Variants in RNF166 observed in about 807,000 individuals in gnomAD.
The protein encoded by RNF166 is E3 ubiquitin-protein ligase RNF166.
RNF166 carries 19 observed loss-of-function variants against 29.4 expected under a neutral mutation model. The observed-to-expected ratio is 0.65, with a 90% CI of 0.45 to 0.95. The LOEUF is 0.95. RNF166 is among the 40% of genes least tolerant of loss of function. The pLI is 0.00. For missense variants in RNF166, 347 were observed against 322.1 expected, an observed-to-expected ratio of 1.08 and a Z score of -0.59; for synonymous variants, 171 against 134.5, an observed-to-expected ratio of 1.27 and a Z score of -1.88.
rs1057026985 is a variant in RNF166 at position 88,703,382 on chromosome 16, T to C, written c.156-1964A>G. On this transcript the variant is annotated intron_variant, in intron 1 of 5. Transcript: ENST00000312838. ...CACGGGCTGAGGGGAAGGAAAAGGG[T>C]CCCAGGCAGAGCTTGGGAAGAGAGG... is the stretch of plus-strand genomic sequence containing the variant. 20 of 983,912 alleles carry C rather than the reference T, an allele frequency of 2.0e-5. No homozygotes were observed. In the South Asian group the frequency reaches 2.4e-4, roughly 12 times the overall value. The allele number at this position is 983,912 out of a possible 1,614,324, so 60.9% of individuals were successfully genotyped here. A position where few individuals can be genotyped will look rare whatever the true frequency, so the allele number is the denominator to read the frequency against.
In RNF166 at chr16:88,696,599, C is replaced by T. The variant is rs1597398643; in HGVS notation, c.*969G>A. On this transcript the variant is annotated 3_prime_UTR_variant, in exon 6 of 6. Coordinates refer to ENST00000312838, the MANE Select transcript of RNF166 (RefSeq NM_178841.4). ...GAATGTTGACGTGTTGCCCGGCCCG[C>T]CAAGCGGGCCCCTGCCCAGGCCCCC... The T allele has an allele frequency of 2.2e-6, 1 of 454,422 alleles. No individual in the cohort carries two copies. Among genetic ancestry groups the T allele is most frequent in the Non-Finnish European group, 4.4e-6 (1 of 226,448 alleles). 28.1% of individuals were successfully genotyped at this position (454,422 alleles called of 1,614,324 possible).
rs1423189394 is a variant in RNF166, at chr16:88,697,639, G to A, written c.649-6C>T. The stretch of plus-strand genomic sequence containing the variant: ...TCCTCGTCAATACTGTAGTCCTGGA[G>A]ACAGGAAGGAGAGATGCACCGGGCT... On this transcript the variant is annotated splice_region_variant and splice_polypyrimidine_tract_variant and intron_variant, in intron 5 of 5. Transcript: ENST00000312838. 6.5e-7 allele frequency: 1 copy of A among 1,548,820 alleles called. No homozygotes were observed. The highest frequency in any genetic ancestry group is 8.7e-7 in the Non-Finnish European group (1 of 1,145,146).
chr16:88,701,198 A>G (rs1910188426), intron 2 of RNF166, 64 bp downstream of exon 2: 1 of 1,590,848 alleles, frequency 6.3e-7, no homozygotes, highest in East Asian at 2.2e-5. Context: ...CCTCTGCAGA[A>G]CCCGTGGGCT....
Position 88,702,641 on chromosome 16 carries a change from C to T in RNF166, c.156-1223G>A, listed in dbSNP as rs143725736. On this transcript the variant is annotated intron_variant, in intron 1 of 5. Transcript: ENST00000312838. ...GCCCTCTTTGCCACCACTGGATTCCCACAGAGCCACCACCTGGCTGGTGGC... is the reference window on the plus strand; with the variant it reads ...GCCCTCTTTGCCACCACTGGATTCCTACAGAGCCACCACCTGGCTGGTGGC... 2.3e-4 allele frequency: 219 copies of T among 955,466 alleles called. 1 individual carries two copies. The African/African-American group carries it at 3.7e-3, about 16-fold the overall frequency. The allele number at this position is 955,466 out of a possible 1,614,324, so 59.2% of individuals were successfully genotyped here. A position where few individuals can be genotyped will look rare whatever the true frequency, so the allele number is the denominator to read the frequency against.
rs952247751 is a variant in RNF166, at chr16:88,696,772, G to A, written c.*796C>T. ...CTGCTGGGAGCAGCCACAGCCTGTG[G>A]CTGGGGTGCTGGGATTTCTTCCTGG... is the stretch of plus-strand genomic sequence containing the variant. On this transcript the variant is annotated 3_prime_UTR_variant, in exon 6 of 6. Transcript: ENST00000312838. 9 of 373,820 alleles carry A rather than the reference G, an allele frequency of 2.4e-5. No individual in the cohort carries two copies. Among genetic ancestry groups the A allele is most frequent in the Non-Finnish European group, 4.2e-5 (8 of 192,352 alleles). The allele number at this position is 373,820 out of a possible 1,614,324, so 23.2% of individuals were successfully genotyped here. A position where few individuals can be genotyped will look rare whatever the true frequency, so the allele number is the denominator to read the frequency against.
At chr16:88,705,612 C>T (rs1910706727) in intron 1 of RNF166, among the ~76,000 whole-genome samples, 1 of 152,208 alleles carries the variant, frequency 6.6e-6, no homozygotes. Flanking sequence ...GACCAGCCTG[C>T]CTGGCTACTC....
Position 88,706,384 on chromosome 16 carries a change from G to A in RNF166, c.-59C>T. ...TGTCCTGGCCCGGGCCGGCCCGCTA[G>A]TCACAGCCGCTACTGCGCCGCGCTG... On this transcript the variant is annotated 5_prime_UTR_variant, in exon 1 of 6. Coordinates refer to ENST00000312838, the MANE Select transcript of RNF166 (RefSeq NM_178841.4). 3.3e-6 allele frequency: 4 copies of A among 1,218,964 alleles called. No individual in the cohort carries two copies. The highest frequency in any genetic ancestry group is 4.1e-6 in the Non-Finnish European group (4 of 975,072). 75.5% of individuals were successfully genotyped at this position (1,218,964 alleles called of 1,614,324 possible). A position where few individuals can be genotyped will look rare whatever the true frequency, so the allele number is the denominator to read the frequency against.
At chr16:88,704,442 A>G (rs1303224318) in intron 1 of RNF166, 8 of 985,332 alleles carry the variant, frequency 8.1e-6, no homozygotes, top group Non-Finnish European at 9.6e-6. Context: ...GATGCTCCAC[A>G]ATTCCATGTG....
chr16:88,704,014 C>G (rs560108657), intron 1 of RNF166: 107 of 985,360 alleles, frequency 1.1e-4, no homozygotes, highest in Admixed American at 2.5e-4. Context: ...TGTCCCCTGG[C>G]TGAGAACAGC....
At position 88,699,052 on chromosome 16, in the gene RNF166, C is replaced by T. The variant is rs376509894; in HGVS notation, c.459G>A (p.Pro153=). The change falls in exon 4 of 6, where the codon CCG becomes CCA. Residue 153 remains proline, a synonymous_variant. Coordinates refer to ENST00000312838, the MANE Select transcript of RNF166 (RefSeq NM_178841.4). The part of the protein sequence containing the change: ...NIPNRSTFAC[P]YCGARNLDQQ... Reference sequence around the variant, plus strand: ...GGTCCAGGTTGCGGGCACCACAGTACGGGCAGGCGAAGGTGGACCTGTTGG... The same window carrying T: ...GGTCCAGGTTGCGGGCACCACAGTATGGGCAGGCGAAGGTGGACCTGTTGG... 9.4e-5 allele frequency: 151 copies of T among 1,610,592 alleles called. No individual in the cohort carries two copies. The highest frequency in any genetic ancestry group is 1.0e-4 in the Non-Finnish European group (122 of 1,178,864).
At position 88,702,266 on chromosome 16, in the gene RNF166, C is replaced by T. The variant is rs116420443; in HGVS notation, c.156-848G>A. Among the ~76,000 whole-genome samples the T allele has an allele frequency of 1.3e-3, 204 of 152,322 alleles. 1 individual carries two copies. The highest frequency in any genetic ancestry group is 4.8e-3 in the African/African-American group (199 of 41,572). ...ACAGAGAAGGAGCTTAATACTGGGG[C>T]AGCCACATCTGGCCTTGTGAGGAGC... is the stretch of plus-strand genomic sequence containing the variant. On this transcript the variant is annotated intron_variant, in intron 1 of 5. Coordinates refer to ENST00000312838, the MANE Select transcript of RNF166 (RefSeq NM_178841.4).
At chr16:88,702,670 C>T (rs1910372571) in intron 1 of RNF166, 2 of 983,798 alleles carry the variant, frequency 2.0e-6, no homozygotes, top group African/African-American at 1.7e-5. Flanking sequence ...TGGTGGCTCC[C>T]ACATGAAACT....
chr16:88,698,891 G>T, intron 4 of RNF166, 80 bp downstream of exon 4: 1 of 1,171,978 alleles, frequency 8.5e-7, no homozygotes, highest in Non-Finnish European at 1.2e-6. Context: ...CGGACTCGCC[G>T]CGAGCAGGCT....
chr16:88,706,279 G>A lies in RNF166; in HGVS notation c.47C>T (p.Pro16Leu). 2 of 1,295,580 alleles carry A rather than the reference G, an allele frequency of 1.5e-6. No homozygotes were observed. Among genetic ancestry groups the A allele is most frequent in the Non-Finnish European group, 2.0e-6 (2 of 1,020,772 alleles). 80.3% of individuals were successfully genotyped at this position (1,295,580 alleles called of 1,614,324 possible). The change falls in exon 1 of 6, where the codon CCG (proline) becomes CTG (leucine). Residue 16 changes from proline to leucine, a missense_variant. Pro to Leu is a moderately conservative substitution (Grantham distance 98). Coordinates refer to ENST00000312838, the MANE Select transcript of RNF166 (RefSeq NM_178841.4). Reference protein sequence around the residue: ...SLVASAQQRQPPAGPAGGDSG... With the variant: ...SLVASAQQRQLPAGPAGGDSG... ...GTCGCCGCCCGCCGGCCCGGCCGGC[G>A]GCTGCCGCTGCTGAGCCGAGGCCAC...
Position 88,698,576 on chromosome 16 carries a change from C to A in RNF166, c.574G>T (p.Asp192Tyr). The A allele has an allele frequency of 6.4e-7, 1 of 1,556,250 alleles. No homozygotes were observed. Among genetic ancestry groups the A allele is most frequent in the Non-Finnish European group, 8.7e-7 (1 of 1,149,410 alleles). ...CPICSAMPWGDPSYKSANFLQ... is the reference protein window; with the variant it reads ...CPICSAMPWGYPSYKSANFLQ... ...AAGTTGGCGCTCTTGTAGCTGGGGT[C>A]CCCCCAGGGCATTGCCGAGCAGATG... The change falls in exon 5 of 6, where the codon GAC becomes TAC. Residue 192 changes from aspartate to tyrosine, a missense_variant. By Grantham distance (160) the Asp-to-Tyr change is radical. Coordinates refer to ENST00000312838, the MANE Select transcript of RNF166 (RefSeq NM_178841.4).
intron 2 of RNF166, among the ~76,000 whole-genome samples, chr16:88,700,395 C>T (rs1468100164): frequency 6.7e-6 from 1 of 149,648 alleles, no homozygotes; most frequent in Admixed American, 6.6e-5. Flanking sequence ...TTTCTGGCTG[C>T]CCAGGAGAGA....
In RNF166 at chr16:88,706,287, C is replaced by G; in HGVS notation, c.39G>C (p.Gln13His). 1 of 1,288,668 alleles carries G rather than the reference C, an allele frequency of 7.8e-7. No homozygotes were observed. The highest frequency in any genetic ancestry group is 9.8e-7 in the Non-Finnish European group (1 of 1,018,242). 79.8% of individuals were successfully genotyped at this position (1,288,668 alleles called of 1,614,324 possible). Residue 13 changes from glutamine to histidine, a missense_variant, in exon 1 of 6, where the codon CAG (glutamine) becomes CAC (histidine). Transcript: ENST00000312838. Reference protein sequence around the residue: ...MFRSLVASAQQRQPPAGPAGG... With the variant: ...MFRSLVASAQHRQPPAGPAGG... ...CCGCCGGCCCGGCCGGCGGCTGCCGCTGCTGAGCCGAGGCCACCAGGCTGC... is the reference window on the plus strand; with the variant it reads ...CCGCCGGCCCGGCCGGCGGCTGCCGGTGCTGAGCCGAGGCCACCAGGCTGC...
Position 88,701,400 on chromosome 16 carries a change from G to A in RNF166, c.174C>T (p.Leu58=). ...SCGHTFCGEC[L]QPCLQVPSPL... ...GGGATGGCACCTGCAGGCAGGGCTGGAGACACTCCCCGCAGAACCTGCAGG... is the reference window on the plus strand; with the variant it reads ...GGGATGGCACCTGCAGGCAGGGCTGAAGACACTCCCCGCAGAACCTGCAGG... Residue 58 remains leucine (L), a synonymous_variant, in exon 2 of 6, where the codon CTC becomes CTT. Transcript: ENST00000312838. The A allele has an allele frequency of 6.2e-7, 1 of 1,604,000 alleles. No individual in the cohort carries two copies.
At chr16:88,702,782 G>C (rs1910385091) in intron 1 of RNF166, 2 of 985,350 alleles carry the variant, frequency 2.0e-6, no homozygotes, top group Non-Finnish European at 1.2e-6. Flanking sequence ...CCTCACCCGA[G>C]TTCTCACCAG....
Sources: gnomAD v4.1 joint callset for allele counts (sites outside exome capture counted in the v4.1 genomes callset) on GRCh38, gnomAD v4.1.1 for gene constraint, MANE v1.5 for transcripts, NCBI Gene and HGNC (gene_info 2026-07-23, HGNC 2026-07-21) for gene names.